ITSN1: variants seen among roughly 807,000 people sequenced by gnomAD.
ITSN1 encodes the protein intersectin 1.
ITSN1 carries 58 observed loss-of-function variants against 239.8 expected under a neutral mutation model. The observed-to-expected ratio is 0.24, with a 90% CI of 0.20 to 0.30. The LOEUF (loss-of-function observed/expected upper bound fraction) is 0.30. Among genes scored for constraint, ITSN1 ranks in the 10% least tolerant of loss-of-function variants. The pLI is 1.00. For missense variants in ITSN1, 1,558 were observed against 2,103.3 expected, an observed-to-expected ratio of 0.74 and a Z score of 5.07; for synonymous variants, 780 against 770.8, an observed-to-expected ratio of 1.01 and a Z score of -0.20.
intron 8 of ITSN1, among the ~76,000 whole-genome samples, chr21:33,761,339 T>C (rs2068309104): frequency 6.6e-6 from 1 of 152,108 alleles, no homozygotes; most frequent in Non-Finnish European, 1.5e-5. Context: ...AATGCTGGGA[T>C]TACAGGCACG....
intron 34 of ITSN1, among the ~76,000 whole-genome samples, chr21:33,876,504 A>G (rs1399470712): frequency 2.0e-5 from 3 of 152,228 alleles, no homozygotes; most frequent in Non-Finnish European, 2.9e-5. Context: ...AGCTGGGACC[A>G]CAGGTGCATG....
intron 17 of ITSN1, among the ~76,000 whole-genome samples, chr21:33,796,241 G>C (rs371454379): frequency 7.2e-5 from 11 of 152,080 alleles, no homozygotes; most frequent in African/African-American, 2.7e-4. Context: ...AAAGTGCTGG[G>C]ATTACAGGCA....
At chr21:33,833,229 G>A (rs1489306154) in intron 27 of ITSN1, among the ~76,000 whole-genome samples, 2 of 152,094 alleles carry the variant, frequency 1.3e-5, no homozygotes, top group East Asian at 3.9e-4. Flanking sequence ...ACAGCATGGT[G>A]CAGAAACACT....
chr21:33,713,333 A>C (rs1233795053), intron 1 of ITSN1, among the ~76,000 whole-genome samples: 3 of 150,818 alleles, frequency 2.0e-5, no homozygotes, highest in Non-Finnish European at 4.4e-5. Context: ...TCTGCCTCCC[A>C]GGTTCACGCC....
chr21:33,720,265 C>T (rs2065406022), intron 2 of ITSN1, among the ~76,000 whole-genome samples: 1 of 152,202 alleles, frequency 6.6e-6, no homozygotes, highest in Non-Finnish European at 1.5e-5. Flanking sequence ...TCATCCCAGA[C>T]CCGGTAGAGA....
chr21:33,861,983 A>G (rs1980647534), intron 31 of ITSN1, among the ~76,000 whole-genome samples: 1 of 90,794 alleles, frequency 1.1e-5, no homozygotes, highest in Non-Finnish European at 2.2e-5. Context: ...AAGAAACGTC[A>G]TCTCTACTAA....
intron 4 of ITSN1, among the ~76,000 whole-genome samples, chr21:33,732,027 C>G (rs2147223825): frequency 6.6e-6 from 1 of 152,274 alleles, no homozygotes; most frequent in Admixed American, 6.5e-5. Context: ...AATGGGACAA[C>G]TGGAAGCAGA....
At chr21:33,660,763 T>C (rs2089488267) in intron 1 of ITSN1, among the ~76,000 whole-genome samples, 1 of 152,194 alleles carries the variant, frequency 6.6e-6, no homozygotes, top group Non-Finnish European at 1.5e-5. Context: ...TAAGGATTGG[T>C]TGCAGTGTAG....
rs2069484733 is a variant in ITSN1 at position 33,774,998 on chromosome 21, C to T, written c.1486C>T (p.Leu496Phe). The change falls in exon 14 of 40, where the codon CTT (leucine) becomes TTT (phenylalanine). Residue 496 changes from leucine to phenylalanine, a missense_variant. Leu to Phe is a conservative substitution (Grantham distance 22). Coordinates refer to ENST00000381318, the MANE Select transcript of ITSN1 (RefSeq NM_003024.3). ...TAAAAAGCATCAACTAGAAGGGAAA[C>T]TTCAAGATATCAGATGTCGATTGAC... ...NDKKHQLEGK[L>F]QDIRCRLTTQ... 6.2e-7 allele frequency: 1 copy of T among 1,613,282 alleles called. No individual in the cohort carries two copies. The highest frequency in any genetic ancestry group is 1.7e-5 in the Admixed American group (1 of 59,926).
At chr21:33,866,458 C>T (rs569172874) in intron 32 of ITSN1, among the ~76,000 whole-genome samples, 2 of 152,304 alleles carry the variant, frequency 1.3e-5, no homozygotes, top group South Asian at 4.2e-4. Context: ...AGTGCTGACA[C>T]CAGCCCAGAG....
chr21:33,654,962 T>G (rs1043471418), intron 1 of ITSN1, among the ~76,000 whole-genome samples: 2 of 152,188 alleles, frequency 1.3e-5, no homozygotes, highest in African/African-American at 4.8e-5. Flanking sequence ...TACTGTGAAC[T>G]AAACATTCTT....
chr21:33,883,274 A>G (rs1033090852), intron 35 of ITSN1, among the ~76,000 whole-genome samples: 2 of 152,208 alleles, frequency 1.3e-5, no homozygotes, highest in African/African-American at 4.8e-5. Flanking sequence ...TATAATTTGT[A>G]ATATGTAAAA....
chr21:33,736,572 C>T (rs1159321747), intron 5 of ITSN1, among the ~76,000 whole-genome samples: 1 of 152,204 alleles, frequency 6.6e-6, no homozygotes, highest in Admixed American at 6.5e-5. Flanking sequence ...TTGTCTTGTC[C>T]AGTGTGTGCT....
At chr21:33,732,227 C>T (rs1165604195) in intron 4 of ITSN1, among the ~76,000 whole-genome samples, 9 of 152,208 alleles carry the variant, frequency 5.9e-5, no homozygotes, top group South Asian at 4.1e-4. Flanking sequence ...GTAAATATTT[C>T]TTATCAGACT....
intron 28 of ITSN1, among the ~76,000 whole-genome samples, chr21:33,834,847 G>A (rs2074510506): frequency 1.3e-5 from 2 of 152,160 alleles, no homozygotes; most frequent in Non-Finnish European, 2.9e-5. Flanking sequence ...CTATAATGTG[G>A]TGTTCACTGA....
chr21:33,753,074 G>A (rs2067665666), intron 7 of ITSN1, among the ~76,000 whole-genome samples: 1 of 152,140 alleles, frequency 6.6e-6, no homozygotes, highest in Non-Finnish European at 1.5e-5. Context: ...ATAGATGAGG[G>A]ACAAGCTCAG....
rs937420780 is a variant in ITSN1, at chr21:33,882,172, T to C, written c.4342-71T>C. The C allele has an allele frequency of 1.5e-5, 21 of 1,358,768 alleles. No homozygotes were observed. In the African/African-American group the frequency reaches 3.0e-4, roughly 20 times the overall value. The allele number at this position is 1,358,768 out of a possible 1,614,324, so 84.2% of individuals were successfully genotyped here. ...TCTGCTGGGGCCTGGCCTCTGATTCTGATGGAGCCCATGCTTTCAGATGCG... is the reference window on the plus strand; with the variant it reads ...TCTGCTGGGGCCTGGCCTCTGATTCCGATGGAGCCCATGCTTTCAGATGCG... On this transcript the variant is annotated intron_variant, in intron 34 of 39. Transcript: ENST00000381318. This position sits in a 1 kb window ranked among gnomAD's most constrained non-coding sequence, Gnocchi z 4.5.
chr21:33,711,656 G>A (rs2092421032), intron 1 of ITSN1, among the ~76,000 whole-genome samples: 1 of 48,902 alleles, frequency 2.0e-5, no homozygotes, highest in African/African-American at 1.1e-4. Flanking sequence ...TGTGTGTTGT[G>A]TGTGTGTGTG....
intron 1 of ITSN1, among the ~76,000 whole-genome samples, chr21:33,701,512 G>T (rs975765604): frequency 1.3e-5 from 2 of 151,906 alleles, no homozygotes; most frequent in Non-Finnish European, 2.9e-5. Context: ...AAAAAATTTG[G>T]CTGGGCATGG....
Sources: gnomAD v4.1 joint callset for allele counts (sites outside exome capture counted in the v4.1 genomes callset) on GRCh38, gnomAD v4.1.1 for gene constraint, Gnocchi (gnomAD v3.1) non-coding constraint, MANE v1.5 for transcripts, NCBI Gene and HGNC (gene_info 2026-07-23, HGNC 2026-07-21) for gene names.